Variants in UBE2E2 observed in about 807,000 individuals in gnomAD.
UBE2E2 encodes ubiquitin-conjugating enzyme E2 E2.
In UBE2E2, 6 loss-of-function variants were observed where a neutral mutation model predicts 24.7. That is an observed-to-expected ratio of 0.24 (90% CI 0.13 to 0.48). The LOEUF (loss-of-function observed/expected upper bound fraction) is 0.48, where lower values mean the gene tolerates loss of function less well. Ranked by LOEUF, UBE2E2 falls within the 20% of genes least tolerant of loss-of-function variation. The pLI, the probability that UBE2E2 is intolerant of heterozygous loss-of-function variation, is 0.99. For synonymous variants in UBE2E2, 104 were observed against 83.6 expected (o/e 1.24, Z -1.33); for missense variants, 169 against 245.0 (o/e 0.69, Z 2.07).
At chr3:23,532,526 C>A in intron 4 of UBE2E2, 28 bp from the exon 5 acceptor site, 1 of 1,485,098 alleles carries the variant, frequency 6.7e-7, no homozygotes, top group Non-Finnish European at 9.1e-7. Flanking sequence ...CTTTGTCTAA[C>A]AAAATATAAC....
intron 3 of UBE2E2, among the ~76,000 whole-genome samples, chr3:23,285,342 A>T (rs1354023125): frequency 6.6e-6 from 1 of 152,156 alleles, no homozygotes; most frequent in Non-Finnish European, 1.5e-5. Context: ...TAAACGTGGG[A>T]ATGCAGATAT....
At chr3:23,386,145 G>T (rs774186280) in intron 3 of UBE2E2, among the ~76,000 whole-genome samples, 1 of 152,150 alleles carries the variant, frequency 6.6e-6, no homozygotes, top group Non-Finnish European at 1.5e-5. Context: ...TTGGAATGCC[G>T]TAACAAAATA....
At chr3:23,557,211 G>A (rs887328158) in intron 5 of UBE2E2, among the ~76,000 whole-genome samples, 2 of 152,196 alleles carry the variant, frequency 1.3e-5, no homozygotes, top group South Asian at 2.1e-4. Flanking sequence ...CAAAAATTGT[G>A]AGGAGCACCT....
chr3:23,573,769 G>A (rs1429712206), intron 5 of UBE2E2, among the ~76,000 whole-genome samples: 1 of 152,172 alleles, frequency 6.6e-6, no homozygotes, highest in African/African-American at 2.4e-5. Flanking sequence ...GTTGTCAGCT[G>A]ATTAAAAGCG....
At chr3:23,525,139 A>G (rs1393669828) in intron 4 of UBE2E2, among the ~76,000 whole-genome samples, 5 of 152,028 alleles carry the variant, frequency 3.3e-5, no homozygotes, top group African/African-American at 4.8e-5. Flanking sequence ...CACATCCCCT[A>G]CTACTGACCC....
chr3:23,386,825 T>G (rs1696814646), intron 3 of UBE2E2, among the ~76,000 whole-genome samples: 1 of 152,348 alleles, frequency 6.6e-6, no homozygotes, highest in Admixed American at 6.5e-5. Context: ...TACATATGGC[T>G]TATATTTTAG....
chr3:23,449,526 C>A (rs962383628), intron 3 of UBE2E2, among the ~76,000 whole-genome samples: 4 of 152,202 alleles, frequency 2.6e-5, no homozygotes, highest in African/African-American at 9.7e-5. Context: ...GCTCTTTTCA[C>A]CACTGTCTGT....
intron 5 of UBE2E2, among the ~76,000 whole-genome samples, chr3:23,569,608 G>T (rs2125511111): frequency 6.6e-6 from 1 of 152,240 alleles, no homozygotes; most frequent in African/African-American, 2.4e-5. Context: ...GTAATGTGTG[G>T]ACCTCTGGTA....
intron 5 of UBE2E2, among the ~76,000 whole-genome samples, chr3:23,550,378 T>C (rs1575701183): frequency 6.6e-6 from 1 of 152,194 alleles, no homozygotes; most frequent in East Asian, 1.9e-4. Context: ...AGCCCAAGCC[T>C]CTTTTAACCT....
intron 3 of UBE2E2, among the ~76,000 whole-genome samples, chr3:23,413,727 T>G (rs542600364): frequency 9.2e-5 from 14 of 152,226 alleles, no homozygotes; most frequent in Non-Finnish European, 1.8e-4. Flanking sequence ...AGAGAGTAAT[T>G]GCCTGTATTT....
chr3:23,223,592 A>G (rs527573347), intron 3 of UBE2E2, among the ~76,000 whole-genome samples: 4 of 152,240 alleles, frequency 2.6e-5, no homozygotes, highest in African/African-American at 9.6e-5. Flanking sequence ...TGTCAGATAG[A>G]TAGTTTGCAA....
chr3:23,387,492 A>G (rs1188337006), intron 3 of UBE2E2, among the ~76,000 whole-genome samples: 1 of 152,054 alleles, frequency 6.6e-6, no homozygotes, highest in Non-Finnish European at 1.5e-5. Context: ...CAGTTTTCTC[A>G]TGTTTGTCTT....
intron 3 of UBE2E2, among the ~76,000 whole-genome samples, chr3:23,331,519 G>T (rs1695057371): frequency 6.6e-6 from 1 of 151,986 alleles, no homozygotes; most frequent in Admixed American, 6.6e-5. Context: ...AGGGGGGTAA[G>T]GTGGTGATTT....
intron 3 of UBE2E2, among the ~76,000 whole-genome samples, chr3:23,241,535 A>G (rs1311465454): frequency 2.0e-5 from 3 of 150,568 alleles, no homozygotes; most frequent in African/African-American, 4.9e-5. Flanking sequence ...CTGTCCCTCA[A>G]ATGTGCCAGA....
intron 5 of UBE2E2, among the ~76,000 whole-genome samples, chr3:23,555,268 A>G (rs1695750524): frequency 2.0e-5 from 3 of 152,206 alleles, no homozygotes; most frequent in Admixed American, 1.3e-4. Context: ...CAATAAGTAT[A>G]TGAAAAGGTG....
At chr3:23,473,295 T>C (rs1159400644) in intron 3 of UBE2E2, among the ~76,000 whole-genome samples, 1 of 152,112 alleles carries the variant, frequency 6.6e-6, no homozygotes, top group African/African-American at 2.4e-5. Flanking sequence ...CATTAATATT[T>C]TCTTAATGTT....
intron 5 of UBE2E2, among the ~76,000 whole-genome samples, chr3:23,535,932 T>C (rs1233876953): frequency 1.3e-5 from 2 of 152,182 alleles, no homozygotes; most frequent in Non-Finnish European, 2.9e-5. Flanking sequence ...GCATTCTTAT[T>C]TGTTAGACGT....
At chr3:23,579,120 T>C (rs66900833) in intron 5 of UBE2E2, among the ~76,000 whole-genome samples, 47,835 of 151,946 alleles carry the variant, frequency 0.31, 8,342 homozygotes, top group East Asian at 0.51. Flanking sequence ...AGGCAGGGCG[T>C]GGTGGCTCAT....
intron 2 of UBE2E2, among the ~76,000 whole-genome samples, chr3:23,212,650 G>C (rs990892066): frequency 6.6e-6 from 1 of 152,024 alleles, no homozygotes; most frequent in Non-Finnish European, 1.5e-5. Context: ...TGATTCCACT[G>C]TATTCCAGTT....
Sources: gnomAD v4.1 joint callset for allele counts (sites outside exome capture counted in the v4.1 genomes callset) on GRCh38, gnomAD v4.1.1 for gene constraint, MANE v1.5 for transcripts, NCBI Gene and HGNC (gene_info 2026-07-23, HGNC 2026-07-21) for gene names.